The following PAAF1 variants were observed in gnomAD, a reference collection of about 807,000 sequenced individuals.
PAAF1 encodes the protein proteasomal ATPase-associated factor 1.
PAAF1 carries 46 observed loss-of-function variants against 52.8 expected under a neutral mutation model. That is an observed-to-expected ratio of 0.87 (90% CI 0.69 to 1.11). The LOEUF (loss-of-function observed/expected upper bound fraction) is 1.11, where lower values mean the gene tolerates loss of function less well. PAAF1 is among the 50% of genes most tolerant of loss of function. The pLI is 0.00. For missense variants in PAAF1, 424 were observed against 477.4 expected, an observed-to-expected ratio of 0.89 and a Z score of 1.04; for synonymous variants, 178 against 172.8, an observed-to-expected ratio of 1.03 and a Z score of -0.24.
chr11:73,897,884 TG>T (rs34255455), intron 4 of PAAF1, among the ~76,000 whole-genome samples: 76,898 of 151,412 alleles, frequency 0.51, 20,883 homozygotes, highest in African/African-American at 0.72. Context: ...CACTCCAGCC[TG>T]GGGCACCATT....
chr11:73,894,492 C>T (rs938326817), intron 4 of PAAF1, among the ~76,000 whole-genome samples: 3 of 151,838 alleles, frequency 2.0e-5, no homozygotes, highest in Admixed American at 6.6e-5. Context: ...ATATAAAAAT[C>T]GGAGGGAAGG....
rs555167833 is a variant in PAAF1 at position 73,894,421 on chromosome 11, A to G, written c.282+3220A>G. On this transcript the variant is annotated intron_variant, in intron 4 of 11. Coordinates refer to ENST00000310571, the MANE Select transcript of PAAF1 (RefSeq NM_025155.3). Reference sequence around the variant, plus strand: ...TTGGGAGGCTGGGGTGGGCAGATCAATTGAGGCCAGGAATTCAAGACCAGC... The same window carrying G: ...TTGGGAGGCTGGGGTGGGCAGATCAGTTGAGGCCAGGAATTCAAGACCAGC... Among the ~76,000 whole-genome samples, 161 of 152,106 alleles carry G rather than the reference A, an allele frequency of 1.1e-3. 1 individual carries two copies. Among genetic ancestry groups the G allele is most frequent in the African/African-American group, 3.7e-3 (152 of 41,508 alleles).
At chr11:73,915,115 C>T (rs753806778) in intron 8 of PAAF1, among the ~76,000 whole-genome samples, 1 of 152,202 alleles carries the variant, frequency 6.6e-6, no homozygotes, top group Non-Finnish European at 1.5e-5. Context: ...CTTAACCTCT[C>T]TGAGCCTGCT....
At chr11:73,918,264 C>T (rs1240397916) in intron 9 of PAAF1, among the ~76,000 whole-genome samples, 1 of 151,664 alleles carries the variant, frequency 6.6e-6, no homozygotes, top group African/African-American at 2.4e-5. Flanking sequence ...ACCTTACCTG[C>T]CATTCTAAGT....
At chr11:73,900,024 G>A (rs1949552769) in intron 5 of PAAF1, among the ~76,000 whole-genome samples, 1 of 150,640 alleles carries the variant, frequency 6.6e-6, no homozygotes, top group Non-Finnish European at 1.5e-5. Context: ...TTTAACCTAG[G>A]CTCTGGGGTG....
chr11:73,918,578 G>A (rs952432368), intron 9 of PAAF1, among the ~76,000 whole-genome samples: 3 of 150,688 alleles, frequency 2.0e-5, no homozygotes, highest in Non-Finnish European at 4.4e-5. Context: ...CCGGGTTCCC[G>A]CCATTCTCCT....
At chr11:73,889,784 G>A (rs1292458388) in intron 3 of PAAF1, among the ~76,000 whole-genome samples, 1 of 152,168 alleles carries the variant, frequency 6.6e-6, no homozygotes, top group Non-Finnish European at 1.5e-5. Flanking sequence ...CCAAATCCAG[G>A]CCAGCACTCT....
At chr11:73,911,901 T>C (rs1365019721) in intron 7 of PAAF1, among the ~76,000 whole-genome samples, 2 of 152,084 alleles carry the variant, frequency 1.3e-5, no homozygotes, top group East Asian at 3.9e-4. Flanking sequence ...CCCAAAGTGC[T>C]GGGCTTACAG....
chr11:73,908,327 GTA>G lies in PAAF1; in HGVS notation c.533-1064_533-1063del, dbSNP rs565214384. Among the ~76,000 whole-genome samples the G allele has an allele frequency of 3.0e-3, 429 of 142,980 alleles. 2 individuals carry two copies. The highest frequency in any genetic ancestry group is 0.01 in the African/African-American group (394 of 39,026). 93.8% of individuals were successfully genotyped at this position (142,980 alleles called of 152,430 possible). A position where few individuals can be genotyped will look rare whatever the true frequency, so the allele number is the denominator to read the frequency against. On this transcript the variant is annotated intron_variant, in intron 6 of 11. Coordinates refer to ENST00000310571, the MANE Select transcript of PAAF1 (RefSeq NM_025155.3). ...TATATGTATATATATGTGTATATAT[GTA>G]TATATATGTGTATATATGTGTATAT...
chr11:73,891,902 A>T (rs2135148150), intron 4 of PAAF1, among the ~76,000 whole-genome samples: 1 of 152,336 alleles, frequency 6.6e-6, no homozygotes, highest in Admixed American at 6.5e-5. Context: ...AATAATTTTC[A>T]AAGGTCTTTG....
At chr11:73,884,091 G>A (rs1234897249) in intron 2 of PAAF1, among the ~76,000 whole-genome samples, 4 of 152,060 alleles carry the variant, frequency 2.6e-5, no homozygotes, top group Non-Finnish European at 2.9e-5. Flanking sequence ...TTCTTTTCTG[G>A]AGCAGTACTC....
At chr11:73,892,975 ATTAC>A in intron 4 of PAAF1, among the ~76,000 whole-genome samples, 1 of 152,228 alleles carries the variant, frequency 6.6e-6, no homozygotes, top group African/African-American at 2.4e-5. Context: ...CTTGCTTTTT[ATTAC>A]TTAATTATAT....
chr11:73,917,989 A>G (rs1950110904), intron 9 of PAAF1, among the ~76,000 whole-genome samples: 1 of 152,206 alleles, frequency 6.6e-6, no homozygotes, highest in South Asian at 2.1e-4. Flanking sequence ...GGCTAGCTAC[A>G]GAAATCTAAG....
intron 5 of PAAF1, 135 bp downstream of exon 5, chr11:73,899,379 C>A: frequency 1.7e-6 from 1 of 580,032 alleles, no homozygotes. Context: ...TCTCTTTTCT[C>A]CCATTTGTGT....
At position 73,926,169 on chromosome 11, in the gene PAAF1, C is replaced by T. The variant is rs56957343; in HGVS notation, c.1102-1116C>T. On this transcript the variant is annotated intron_variant, in intron 11 of 11. Transcript: ENST00000310571. ...TTGCCCAGGCTGGAGTGCAATGGCG[C>T]GATCTCAGCCCACAGCAACCTCCGC... 4.4e-3 allele frequency among the ~76,000 whole-genome samples: 666 copies of T among 151,938 alleles called. 7 individuals carry two copies. Among genetic ancestry groups the T allele is most frequent in the African/African-American group, 0.015 (626 of 41,446 alleles).
chr11:73,891,058 A>G lies in PAAF1; in HGVS notation c.193-54A>G. 4 of 1,047,426 alleles carry G rather than the reference A, an allele frequency of 3.8e-6. No homozygotes were observed. In the South Asian group the frequency reaches 4.0e-5, roughly 10 times the overall value. 64.9% of individuals were successfully genotyped at this position (1,047,426 alleles called of 1,614,324 possible). On this transcript the variant is annotated intron_variant, in intron 3 of 11. Coordinates refer to ENST00000310571, the MANE Select transcript of PAAF1 (RefSeq NM_025155.3). ...ATGTTTTCTTTAAGAGGCTTTAATT[A>G]TAATACATTGGAGGAGTTTTACTGA...
At chr11:73,914,837 A>C (rs1950021693) in intron 8 of PAAF1, among the ~76,000 whole-genome samples, 1 of 151,724 alleles carries the variant, frequency 6.6e-6, no homozygotes, top group African/African-American at 2.4e-5. Context: ...CCTCCTGAGT[A>C]GCTGGGATTA....
chr11:73,921,544 C>A, intron 10 of PAAF1: 1 of 538,254 alleles, frequency 1.9e-6, no homozygotes. Flanking sequence ...CAAGTAAAGA[C>A]ATGGTCTTCT....
rs1371979634 is a variant in PAAF1, at chr11:73,924,660, C to T, written c.1064C>T (p.Thr355Ile). 5 of 1,613,974 alleles carry T rather than the reference C, an allele frequency of 3.1e-6. No individual in the cohort carries two copies. In the Admixed American group the frequency reaches 8.3e-5, roughly 27 times the overall value. Residue 355 changes from threonine (T) to isoleucine (I), a missense_variant, in exon 11 of 12, where the codon ACT becomes ATT. Physicochemically the swap from Thr to Ile is moderately conservative, Grantham distance 89 (BLOSUM62 -1). Transcript: ENST00000310571. ...GTCCAGCAAGACTTAGACTATGTCA[C>T]TGAGCTCACTGGGGCTGACTGTGAC... ...FIVQQDLDYV[T>I]ELTGADCDPV...
Sources: gnomAD v4.1 joint callset for allele counts (sites outside exome capture counted in the v4.1 genomes callset) on GRCh38, gnomAD v4.1.1 for gene constraint, MANE v1.5 for transcripts, NCBI Gene and HGNC (gene_info 2026-07-23, HGNC 2026-07-21) for gene names.